The following SLC5A12 variants were observed in gnomAD, a reference collection of about 807,000 sequenced individuals.
SLC5A12 encodes the protein sodium-coupled monocarboxylate transporter 2.
SLC5A12 carries 46 observed loss-of-function variants against 72.7 expected under a neutral mutation model. The observed-to-expected ratio is 0.63, with a 90% CI of 0.50 to 0.81. SLC5A12 has a LOEUF of 0.81. Among genes scored for constraint, SLC5A12 ranks in the 30% least tolerant of loss-of-function variants. The pLI is 0.00. For synonymous variants in SLC5A12, 275 were observed against 264.4 expected, an observed-to-expected ratio of 1.04 and a Z score of -0.39; for missense variants, 683 against 740.7, an observed-to-expected ratio of 0.92 and a Z score of 0.90.
intron 1 of SLC5A12, chr11:26,716,427 T>C (rs1206587574): frequency 6.6e-6 from 1 of 152,204 alleles, no homozygotes; most frequent in Non-Finnish European, 1.5e-5. Flanking sequence ...TTCCTTTCAA[T>C]GTATTCACTC....
intron 4 of SLC5A12, among the ~76,000 whole-genome samples, chr11:26,704,164 T>C (rs762498540): frequency 9.9e-5 from 15 of 152,190 alleles, no homozygotes; most frequent in South Asian, 8.3e-4. Flanking sequence ...TATAATCTAA[T>C]GGGAGAAGCA....
intron 8 of SLC5A12, among the ~76,000 whole-genome samples, 183 bp downstream of exon 8, chr11:26,696,981 A>G (rs1378434367): frequency 6.6e-6 from 1 of 152,248 alleles, no homozygotes; most frequent in Non-Finnish European, 1.5e-5. Flanking sequence ...CCTTATCTGT[A>G]TACTGATGAT....
intron 13 of SLC5A12, among the ~76,000 whole-genome samples, chr11:26,676,367 A>C (rs78636916): frequency 0.37 from 48,683 of 133,254 alleles, 8,083 homozygotes; most frequent in East Asian, 0.43. Context: ...AACAAAAAAA[A>C]AAAAAAAAAA....
intron 11 of SLC5A12, among the ~76,000 whole-genome samples, chr11:26,682,186 T>C (rs2133147214): frequency 6.6e-6 from 1 of 152,132 alleles, no homozygotes; most frequent in East Asian, 1.9e-4. Context: ...AAATTTTATT[T>C]ATGGGCACTG....
In SLC5A12 at chr11:26,703,902, C is replaced by A; in HGVS notation, c.571G>T (p.Val191Phe). 1.2e-6 allele frequency: 2 copies of A among 1,613,908 alleles called. No individual in the cohort carries two copies. The highest frequency in any genetic ancestry group is 1.7e-6 in the Non-Finnish European group (2 of 1,179,850). Reference protein sequence around the residue: ...VVWTDAFQMVVMIVGFLTVLI... With the variant: ...VVWTDAFQMVFMIVGFLTVLI... ...ACCGTTAAGAAGCCCACAATCATGA[C>A]AACCATCTGAAATGCATCTGTCCAC... is the stretch of plus-strand genomic sequence containing the variant. Residue 191 changes from valine to phenylalanine, a missense_variant, in exon 5 of 15, where the codon GTC becomes TTC. Coordinates refer to ENST00000396005, the MANE Select transcript of SLC5A12 (RefSeq NM_178498.4).
In SLC5A12 at chr11:26,721,260, G is replaced by GT. The variant is rs1490930356; in HGVS notation, c.339+115dup. On this transcript the variant is annotated intron_variant, in intron 1 of 14. Coordinates refer to ENST00000396005, the MANE Select transcript of SLC5A12 (RefSeq NM_178498.4). ...AGGCTTTTTACAAAAACATTTTAAT[G>GT]TCTTTCTCATAATGTGTAATTATCC... is the stretch of plus-strand genomic sequence containing the variant. 18 of 788,140 alleles carry GT rather than the reference G, an allele frequency of 2.3e-5. No individual in the cohort carries two copies. In the African/African-American group the frequency reaches 3.0e-4, roughly 13 times the overall value. 48.8% of individuals were successfully genotyped at this position (788,140 alleles called of 1,614,324 possible). A position where few individuals can be genotyped will look rare whatever the true frequency, so the allele number is the denominator to read the frequency against.
At chr11:26,675,091 A>G (rs1344105111) in intron 13 of SLC5A12, among the ~76,000 whole-genome samples, 2 of 152,288 alleles carry the variant, frequency 1.3e-5, no homozygotes, top group African/African-American at 4.8e-5. Context: ...GCATCTCTGA[A>G]TCAGAATAAT....
At chr11:26,676,370 A>C (rs7122826) in intron 13 of SLC5A12, among the ~76,000 whole-genome samples, 30,744 of 151,666 alleles carry the variant, frequency 0.2, 3,312 homozygotes, top group East Asian at 0.34. Flanking sequence ...AAAAAAAAAA[A>C]AAAAAAAAGA....
At chr11:26,678,304 G>C (rs113691765) in intron 13 of SLC5A12, among the ~76,000 whole-genome samples, 1 of 152,020 alleles carries the variant, frequency 6.6e-6, no homozygotes, top group Non-Finnish European at 1.5e-5. Context: ...CAGGCCTCTG[G>C]GGGGCATGTG....
chr11:26,698,613 G>A (rs964066183), intron 6 of SLC5A12, 78 bp from the exon 7 acceptor site: 1 of 1,420,698 alleles, frequency 7.0e-7, no homozygotes, highest in Non-Finnish European at 9.5e-7. Flanking sequence ...AGGTACTCAA[G>A]GTAAAGGGTT....
chr11:26,687,713 A>T (rs1459026346), intron 9 of SLC5A12, among the ~76,000 whole-genome samples: 1 of 152,218 alleles, frequency 6.6e-6, no homozygotes, highest in Non-Finnish European at 1.5e-5. Context: ...AAATGAAATC[A>T]GGCTAGTCAT....
chr11:26,681,930 C>G (rs755730165), intron 11 of SLC5A12, among the ~76,000 whole-genome samples: 11 of 151,834 alleles, frequency 7.2e-5, no homozygotes, highest in Non-Finnish European at 1.3e-4. Flanking sequence ...ATAGAAGAGG[C>G]CTTGGTAAGA....
At chr11:26,675,159 A>G (rs1269831366) in intron 13 of SLC5A12, among the ~76,000 whole-genome samples, 4 of 152,180 alleles carry the variant, frequency 2.6e-5, no homozygotes, top group African/African-American at 9.6e-5. Flanking sequence ...TTGTCTCTGA[A>G]TGAACCACAA....
intron 6 of SLC5A12, among the ~76,000 whole-genome samples, chr11:26,703,111 T>C (rs537144466): frequency 2.0e-5 from 3 of 152,282 alleles, no homozygotes; most frequent in Non-Finnish European, 2.9e-5. Flanking sequence ...AAATAAACTC[T>C]TTAAAAATTT....
intron 4 of SLC5A12, among the ~76,000 whole-genome samples, chr11:26,705,085 T>G (rs539677008): frequency 6.6e-6 from 1 of 151,998 alleles, no homozygotes; most frequent in South Asian, 2.1e-4. Context: ...TTGAGGAATG[T>G]AAAAGGAAAA....
At chr11:26,704,012 C>T in intron 4 of SLC5A12, 65 bp from the exon 5 acceptor site, 1 of 1,567,306 alleles carries the variant, frequency 6.4e-7, no homozygotes. Context: ...CTCTGCAAAG[C>T]CTCTCTGCTA....
intron 6 of SLC5A12, among the ~76,000 whole-genome samples, chr11:26,700,115 C>G (rs1854923196): frequency 6.6e-6 from 1 of 152,050 alleles, no homozygotes; most frequent in Admixed American, 6.6e-5. Flanking sequence ...AACTGCCTTA[C>G]TTTTTATTAT....
At chr11:26,671,352 A>T in intron 14 of SLC5A12, 101 bp from the exon 15 acceptor site, 1 of 983,684 alleles carries the variant, frequency 1.0e-6, no homozygotes, top group Non-Finnish European at 1.5e-6. Flanking sequence ...AAAATTATAT[A>T]TATGTACAAA....
At chr11:26,715,056 G>A (rs901631613) in intron 1 of SLC5A12, among the ~76,000 whole-genome samples, 2 of 152,144 alleles carry the variant, frequency 1.3e-5, no homozygotes, top group Non-Finnish European at 2.9e-5. Context: ...GACACCTTGG[G>A]TTCACATCTT....
Sources: gnomAD v4.1 joint callset for allele counts (sites outside exome capture counted in the v4.1 genomes callset) on GRCh38, gnomAD v4.1.1 for gene constraint, MANE v1.5 for transcripts, NCBI Gene and HGNC (gene_info 2026-07-23, HGNC 2026-07-21) for gene names.